The following COTL1 variants were observed in gnomAD, a reference collection of about 807,000 sequenced individuals.
COTL1 encodes coactosin like F-actin binding protein 1.
COTL1 carries 15 observed loss-of-function variants against 16.5 expected under a neutral mutation model. The observed-to-expected ratio is 0.91, with a 90% CI of 0.61 to 1.40. The LOEUF (loss-of-function observed/expected upper bound fraction) is 1.40. COTL1 is among the 40% of genes most tolerant of loss of function. The pLI is 0.00. For missense variants in COTL1, 220 were observed against 201.5 expected, an observed-to-expected ratio of 1.09 and a Z score of -0.56; for synonymous variants, 112 against 85.3, an observed-to-expected ratio of 1.31 and a Z score of -1.73.
intron 3 of COTL1, among the ~76,000 whole-genome samples, chr16:84,586,013 C>T (rs1459245787): frequency 6.6e-6 from 1 of 152,158 alleles, no homozygotes; most frequent in African/African-American, 2.4e-5. Flanking sequence ...TGCCCAAAGG[C>T]GTGTGCACGT....
At chr16:84,596,044 C>A (rs1191113605) in intron 2 of COTL1, 1 of 152,186 alleles carries the variant, frequency 6.6e-6, no homozygotes, top group African/African-American at 2.4e-5. Flanking sequence ...TTCCATCACC[C>A]TCACTGTGCC....
chr16:84,579,983 G>A (rs1378365243), intron 3 of COTL1, among the ~76,000 whole-genome samples: 3 of 152,126 alleles, frequency 2.0e-5, no homozygotes, highest in South Asian at 2.1e-4. Flanking sequence ...GCATCCTCAC[G>A]GCACAGCGAC....
In COTL1 at chr16:84,566,975, C is replaced by T. The variant is rs1426286464; in HGVS notation, c.319-20G>A. Reference sequence around the variant, plus strand: ...GAAATTCTGCAAGAACAAAGGAAAACACAGCGTTCCTATTAAGAAGGAAGG... The same window carrying T: ...GAAATTCTGCAAGAACAAAGGAAAATACAGCGTTCCTATTAAGAAGGAAGG... On this transcript the variant is annotated intron_variant, in intron 3 of 3. Transcript: ENST00000262428. The T allele has an allele frequency of 1.3e-6, 2 of 1,562,620 alleles. No homozygotes were observed. Among genetic ancestry groups the T allele is most frequent in the Middle Eastern group, 1.7e-4 (1 of 5,956 alleles).
chr16:84,606,204 G>A (rs1299829631), intron 2 of COTL1, among the ~76,000 whole-genome samples: 1 of 152,272 alleles, frequency 6.6e-6, no homozygotes, highest in African/African-American at 2.4e-5. Flanking sequence ...ACTTGCTTAA[G>A]TGGGAGAGGA....
At chr16:84,589,144 TTTG>T (rs1904802409) in intron 3 of COTL1, among the ~76,000 whole-genome samples, 1 of 151,812 alleles carries the variant, frequency 6.6e-6, no homozygotes, top group African/African-American at 2.4e-5. Flanking sequence ...CTCATTTTAT[TTTG>T]TTATGTTTTG....
At chr16:84,599,014 G>A (rs896594340) in intron 2 of COTL1, among the ~76,000 whole-genome samples, 2 of 151,948 alleles carry the variant, frequency 1.3e-5, no homozygotes, top group Non-Finnish European at 2.9e-5. Context: ...AGGATGAGCC[G>A]CTCTAATAAC....
intron 3 of COTL1, among the ~76,000 whole-genome samples, chr16:84,583,711 T>C (rs761848357): frequency 2.7e-4 from 41 of 152,274 alleles, no homozygotes; most frequent in South Asian, 6.2e-4. Context: ...CCTCCTGCCT[T>C]GGTCTCCCAA....
intron 3 of COTL1, among the ~76,000 whole-genome samples, chr16:84,581,473 C>G (rs1168335793): frequency 6.6e-6 from 1 of 151,820 alleles, no homozygotes; most frequent in Non-Finnish European, 1.5e-5. Flanking sequence ...CCCGGCTGCC[C>G]CAGTCAGCTC....
intron 2 of COTL1, among the ~76,000 whole-genome samples, chr16:84,602,393 A>T (rs761660158): frequency 1.3e-4 from 20 of 148,192 alleles, no homozygotes; most frequent in Non-Finnish European, 3.0e-4. Context: ...TGTCTCAAAA[A>T]ACTTTTTTTC....
intron 2 of COTL1, among the ~76,000 whole-genome samples, chr16:84,606,287 G>T (rs1182452914): frequency 6.6e-6 from 1 of 152,222 alleles, no homozygotes; most frequent in African/African-American, 2.4e-5. Flanking sequence ...GTAGCGGCCG[G>T]GAGCCTTGTG....
chr16:84,616,139 A>G (rs911631939), intron 2 of COTL1: 1 of 152,134 alleles, frequency 6.6e-6, no homozygotes, highest in Non-Finnish European at 1.5e-5. Context: ...TGAGGAAACC[A>G]AGACCCCCAG....
chr16:84,571,136 CATGAG>C (rs1459712202), intron 3 of COTL1, among the ~76,000 whole-genome samples: 19 of 152,326 alleles, frequency 1.2e-4, no homozygotes, highest in Non-Finnish European at 4.4e-5. Flanking sequence ...TGTATTCAGA[CATGAG>C]CCTGTTGGCT....
chr16:84,580,688 T>C (rs1904568254), intron 3 of COTL1, among the ~76,000 whole-genome samples: 2 of 152,138 alleles, frequency 1.3e-5, no homozygotes, highest in Admixed American at 6.5e-5. Context: ...CAAGAACTAG[T>C]CCTCCCTAAG....
At chr16:84,570,838 G>T (rs922008621) in intron 3 of COTL1, among the ~76,000 whole-genome samples, 1 of 152,146 alleles carries the variant, frequency 6.6e-6, no homozygotes, top group Non-Finnish European at 1.5e-5. Flanking sequence ...GAAAGCAAGT[G>T]TCTTAACACA....
intron 1 of COTL1, 63 bp downstream of exon 1, chr16:84,617,775 C>A: frequency 1.3e-6 from 2 of 1,490,588 alleles, no homozygotes; most frequent in South Asian, 2.4e-5. Context: ...GAGGCCGGCT[C>A]GGTGCACGAG....
chr16:84,617,924 G>C lies in COTL1; in HGVS notation c.-10C>G. ...CGATCTTGGTGGCCATCGCCGCGGA[G>C]CCGCAGCGGGACACTGTCCGGGGCG... On this transcript the variant is annotated 5_prime_UTR_variant, in exon 1 of 4. Coordinates refer to ENST00000262428, the MANE Select transcript of COTL1 (RefSeq NM_021149.5). The C allele has an allele frequency of 6.5e-7, 1 of 1,549,182 alleles. No individual in the cohort carries two copies. The highest frequency in any genetic ancestry group is 8.7e-7 in the Non-Finnish European group (1 of 1,147,242).
chr16:84,618,013 G>C lies in COTL1; in HGVS notation c.-99C>G. ...CGGCGGGTACGCGCCGAGGGCGCAC[G>C]GGCTGGCGGCGGTGGCGACGGCTAC... On this transcript the variant is annotated 5_prime_UTR_variant, in exon 1 of 4. Transcript: ENST00000262428. The C allele has an allele frequency of 9.7e-6, 7 of 718,886 alleles. No homozygotes were observed. Among genetic ancestry groups the C allele is most frequent in the East Asian group, 5.2e-5 (1 of 19,202 alleles). 44.5% of individuals were successfully genotyped at this position (718,886 alleles called of 1,614,324 possible).
At chr16:84,593,795 G>A (rs2967860) in intron 2 of COTL1, among the ~76,000 whole-genome samples, 77 of 152,238 alleles carry the variant, frequency 5.1e-4, no homozygotes, top group African/African-American at 1.6e-3. Context: ...CACCGCGCCC[G>A]GCCATTTTAA....
At chr16:84,582,130 G>A (rs1010797378) in intron 3 of COTL1, among the ~76,000 whole-genome samples, 2 of 151,854 alleles carry the variant, frequency 1.3e-5, no homozygotes, top group African/African-American at 4.8e-5. Flanking sequence ...TGGTAGCTGG[G>A]ATTACAGGCA....
Sources: gnomAD v4.1 joint callset for allele counts (sites outside exome capture counted in the v4.1 genomes callset) on GRCh38, gnomAD v4.1.1 for gene constraint, MANE v1.5 for transcripts, NCBI Gene and HGNC (gene_info 2026-07-23, HGNC 2026-07-21) for gene names.